Variants in PGAP3 observed in about 807,000 individuals in gnomAD.
The protein encoded by PGAP3 is GPI-specific phospholipase A2-like PGAP3.
PGAP3 carries 31 observed loss-of-function variants against 40.3 expected under a neutral mutation model. The observed-to-expected ratio is 0.77, with a 90% confidence interval of 0.58 to 1.04. PGAP3 has a LOEUF of 1.04. Ranked by LOEUF, PGAP3 falls within the 50% of genes least tolerant of loss-of-function variation. The pLI, the probability that PGAP3 is intolerant of heterozygous loss-of-function variation, is 0.00. For synonymous variants in PGAP3, 191 were observed against 184.5 expected (o/e 1.04, Z -0.29); for missense variants, 413 against 423.0 (o/e 0.98, Z 0.21).
intron 7 of PGAP3, 67 bp from the exon 8 acceptor site, chr17:39,672,933 G>A: frequency 4.4e-6 from 7 of 1,587,706 alleles, no homozygotes; most frequent in South Asian, 2.2e-5. Context: ...ACAAGGGTGG[G>A]GTGCATGCAG....
In PGAP3 at chr17:39,684,603, G is replaced by A. The variant is rs753770531; in HGVS notation, c.426C>T (p.Phe142=). ...GTCCTGCTAGGTTACCTACCCAGGCGAAGGCCACACAGGTGTGGTACATGG... is the reference window on the plus strand; with the variant it reads ...GTCCTGCTAGGTTACCTACCCAGGCAAAGGCCACACAGGTGTGGTACATGG... ...SSPMYHTCVA[F]AWVSLNAWFW... The change falls in exon 3 of 8, where the codon TTC becomes TTT. Residue 142 remains phenylalanine (F), a synonymous_variant. Coordinates refer to ENST00000300658, the MANE Select transcript of PGAP3 (RefSeq NM_033419.5). 20 of 1,610,128 alleles carry A rather than the reference G, an allele frequency of 1.2e-5. No homozygotes were observed. Among genetic ancestry groups the A allele is most frequent in the South Asian group, 9.9e-5 (9 of 90,602 alleles).
In PGAP3 at chr17:39,687,376, C is replaced by T. The variant is rs572062735; in HGVS notation, c.181+458G>A. Among the ~76,000 whole-genome samples the T allele has an allele frequency of 6.6e-5, 10 of 152,312 alleles. No individual in the cohort carries two copies. In the South Asian group the frequency reaches 1.7e-3, roughly 25 times the overall value. ...CCCACTATGGTCCAAATCGAATGTA[C>T]CAGTCCAAAGTCCCTCCTTCAAACA... is the stretch of plus-strand genomic sequence containing the variant. On this transcript the variant is annotated intron_variant, in intron 1 of 7. Transcript: ENST00000300658.
chr17:39,683,397 G>T (rs145988367), intron 3 of PGAP3, among the ~76,000 whole-genome samples: 259 of 152,276 alleles, frequency 1.7e-3, no homozygotes, highest in African/African-American at 5.8e-3. Flanking sequence ...GCCCCATGCT[G>T]GTCTTGGTCT....
At chr17:39,673,931 G>A in intron 5 of PGAP3, 62 bp downstream of exon 5, 2 of 1,553,828 alleles carry the variant, frequency 1.3e-6, no homozygotes, top group African/African-American at 1.4e-5. Flanking sequence ...GGGGAAGGCT[G>A]GGTGACCCCT....
chr17:39,675,369 C>G (rs1225675903), intron 3 of PGAP3, among the ~76,000 whole-genome samples: 1 of 152,208 alleles, frequency 6.6e-6, no homozygotes, highest in African/African-American at 2.4e-5. Flanking sequence ...GGAGAGAGCA[C>G]AAAAGTTATC....
chr17:39,684,519 T>C, intron 3 of PGAP3, 78 bp downstream of exon 3: 2 of 1,454,396 alleles, frequency 1.4e-6, no homozygotes, highest in Non-Finnish European at 9.3e-7. Context: ...GTAGAAGCCC[T>C]GTTGGGTGTT....
intron 3 of PGAP3, among the ~76,000 whole-genome samples, chr17:39,677,240 G>A (rs2057385601): frequency 6.6e-6 from 1 of 152,166 alleles, no homozygotes; most frequent in South Asian, 2.1e-4. Flanking sequence ...TGGTTTTGCT[G>A]CCTGGTCCAT....
rs192919731 is a variant in PGAP3 at position 39,673,143 on chromosome 17, G to C, written c.807C>G (p.Leu269=). 4.1e-4 allele frequency: 663 copies of C among 1,602,552 alleles called. 4 individuals carry two copies. The Admixed American group carries it at 7.4e-3, about 18-fold the overall frequency. Residue 269 remains leucine, a synonymous_variant, in exon 7 of 8, where the codon CTC becomes CTG. Transcript: ENST00000300658. ...VVLLLQGLSL[L]ELLDFPPLFW... ...AGAGCGGTGGGAAGTCAAGCAGCTC[G>C]AGCAGGGACAGCCCCTGCAGCAGCA... is the stretch of plus-strand genomic sequence containing the variant.
rs1057131219 is a variant in PGAP3, at chr17:39,671,805, C to T, written c.*998G>A. ...CTGGCCATGGAGAGCTCCTGGCTGTCCGCCCAGGTGGCGCCTTGGGCAGAG... is the reference window on the plus strand; with the variant it reads ...CTGGCCATGGAGAGCTCCTGGCTGTTCGCCCAGGTGGCGCCTTGGGCAGAG... On this transcript the variant is annotated 3_prime_UTR_variant, in exon 8 of 8. Coordinates refer to ENST00000300658, the MANE Select transcript of PGAP3 (RefSeq NM_033419.5). The T allele has an allele frequency of 1.3e-5, 2 of 152,464 alleles. No individual in the cohort carries two copies. The highest frequency in any genetic ancestry group is 4.8e-5 in the African/African-American group (2 of 41,450). 9.4% of individuals were successfully genotyped at this position (152,464 alleles called of 1,614,324 possible). A position where few individuals can be genotyped will look rare whatever the true frequency, so the allele number is the denominator to read the frequency against.
chr17:39,687,896 T>C lies in PGAP3; in HGVS notation c.119A>G (p.Asn40Ser), dbSNP rs1205331684. 1 of 1,515,910 alleles carries C rather than the reference T, an allele frequency of 6.6e-7. No individual in the cohort carries two copies. The highest frequency in any genetic ancestry group is 1.2e-5 in the South Asian group (1 of 81,046). The allele number at this position is 1,515,910 out of a possible 1,614,324, so 93.9% of individuals were successfully genotyped here. ...RDCVLQCEEQ[N>S]CSGGALNHFR... ...GTGATTCAGAGCGCCCCCAGAGCAG[T>C]TCTGCTCTTCGCACTGCAGTACGCA... Residue 40 changes from asparagine to serine, a missense_variant, in exon 1 of 8, where the codon AAC becomes AGC. Transcript: ENST00000300658.
Position 39,673,979 on chromosome 17 carries a change from C to T in PGAP3, c.557+14G>A. On this transcript the variant is annotated intron_variant, in intron 5 of 7. Transcript: ENST00000300658. ...GGTTCGATTTTGCCCCTGCAGCCAC[C>T]CAGGCAGGCTCACCTGACGCAGCAC... 2 of 1,613,776 alleles carry T rather than the reference C, an allele frequency of 1.2e-6. No individual in the cohort carries two copies. The highest frequency in any genetic ancestry group is 1.7e-6 in the Non-Finnish European group (2 of 1,179,708).
intron 3 of PGAP3, among the ~76,000 whole-genome samples, chr17:39,680,624 G>C (rs776097570): frequency 6.6e-6 from 1 of 152,104 alleles, no homozygotes; most frequent in African/African-American, 2.4e-5. Context: ...GTACAATTCA[G>C]GACAGCAGAA....
At chr17:39,686,301 G>C (rs1030718993) in intron 1 of PGAP3, among the ~76,000 whole-genome samples, 2 of 152,116 alleles carry the variant, frequency 1.3e-5, no homozygotes, top group Admixed American at 1.3e-4. Context: ...TTGTTGCCCA[G>C]GCTGGAGTGC....
chr17:39,684,137 A>AAG (rs1284742985), intron 3 of PGAP3, among the ~76,000 whole-genome samples: 2 of 148,096 alleles, frequency 1.4e-5, no homozygotes, highest in Non-Finnish European at 3.0e-5. Flanking sequence ...AAAAAAAAAA[A>AAG]AAAAAAAAAA....
chr17:39,685,771 A>C (rs1597827663), intron 2 of PGAP3, 151 bp downstream of exon 2: 1 of 630,804 alleles, frequency 1.6e-6, no homozygotes, highest in East Asian at 3.4e-5. Flanking sequence ...AATTCTATGG[A>C]AACCAGCAGA....
Position 39,687,878 on chromosome 17 carries a change from A to G in PGAP3, c.137T>C (p.Leu46Pro), listed in dbSNP as rs776488270. 2.0e-6 allele frequency: 3 copies of G among 1,503,934 alleles called. No individual in the cohort carries two copies. Among genetic ancestry groups the G allele is most frequent in the Non-Finnish European group, 2.7e-6 (3 of 1,113,844 alleles). 93.2% of individuals were successfully genotyped at this position (1,503,934 alleles called of 1,614,324 possible). A position where few individuals can be genotyped will look rare whatever the true frequency, so the allele number is the denominator to read the frequency against. The change falls in exon 1 of 8, where the codon CTG becomes CCG. Residue 46 changes from leucine (L) to proline (P), a missense_variant. Physicochemically the swap from Leu to Pro is moderately conservative, Grantham distance 98 (BLOSUM62 -3). Transcript: ENST00000300658. ...CEEQNCSGGA[L>P]NHFRSRQPIY... ...TGGCTGGCGGGAGCGGAAGTGATTC[A>G]GAGCGCCCCCAGAGCAGTTCTGCTC...
intron 3 of PGAP3, among the ~76,000 whole-genome samples, chr17:39,675,221 C>T (rs951926792): frequency 6.6e-6 from 1 of 151,994 alleles, no homozygotes; most frequent in Non-Finnish European, 1.5e-5. Flanking sequence ...CCAGCTTCCT[C>T]CTGGCTGGGC....
Position 39,684,631 on chromosome 17 carries a change from G to A in PGAP3, c.398C>T (p.Ser133Phe). The A allele has an allele frequency of 6.2e-7, 1 of 1,614,088 alleles. No individual in the cohort carries two copies. Among genetic ancestry groups the A allele is most frequent in the South Asian group, 1.1e-5 (1 of 91,064 alleles). Reference protein sequence around the residue: ...CRYRTFVPASSPMYHTCVAFA... With the variant: ...CRYRTFVPASFPMYHTCVAFA... ...GGCCACACAGGTGTGGTACATGGGG[G>A]AGGAGGCTGGCACGAAGGTGCGGTA... The change falls in exon 3 of 8, where the codon TCC (serine) becomes TTC (phenylalanine). Residue 133 changes from serine to phenylalanine, a missense_variant. Coordinates refer to ENST00000300658, the MANE Select transcript of PGAP3 (RefSeq NM_033419.5).
intron 6 of PGAP3, 71 bp downstream of exon 6, chr17:39,673,443 A>T (rs867587656): frequency 1.9e-6 from 3 of 1,602,170 alleles, no homozygotes; most frequent in Admixed American, 1.7e-5. Context: ...TTCTCCAGGA[A>T]TGGCACCAAC....
Sources: gnomAD v4.1 joint callset for allele counts (sites outside exome capture counted in the v4.1 genomes callset) on GRCh38, gnomAD v4.1.1 for gene constraint, MANE v1.5 for transcripts, NCBI Gene and HGNC (gene_info 2026-07-23, HGNC 2026-07-21) for gene names.